SLC25A26: variants seen among roughly 807,000 people sequenced by gnomAD.
SLC25A26 encodes mitochondrial S-adenosylmethionine carrier protein.
Under a neutral mutation model 37.8 loss-of-function variants are expected in SLC25A26, and 36 were observed. The observed-to-expected ratio is 0.95, with a 90% CI of 0.73 to 1.26. The LOEUF is 1.26. Among genes scored for constraint, SLC25A26 ranks in the 50% most tolerant of loss-of-function variants. SLC25A26 has a pLI of 0.00. For synonymous variants in SLC25A26, 129 were observed against 122.5 expected (o/e 1.05, Z -0.35); for missense variants, 390 against 331.1 (o/e 1.18, Z -1.38).
At chr3:66,288,672 C>A (rs2074598622) in intron 5 of SLC25A26, among the ~76,000 whole-genome samples, 1 of 152,168 alleles carries the variant, frequency 6.6e-6, no homozygotes, top group Non-Finnish European at 1.5e-5. Flanking sequence ...ATTTTTATGG[C>A]TGCATAGTAT....
chr3:66,199,779 T>G (rs2071086691), intron 1 of SLC25A26, among the ~76,000 whole-genome samples: 3 of 152,040 alleles, frequency 2.0e-5, no homozygotes, highest in African/African-American at 7.2e-5. Context: ...TCCCTGACCC[T>G]CATCATGACC....
At chr3:66,165,816 TGGAGAGGTTAGACA>T (rs1479110218) in intron 1 of SLC25A26, among the ~76,000 whole-genome samples, 1 of 152,082 alleles carries the variant, frequency 6.6e-6, no homozygotes, top group Non-Finnish European at 1.5e-5. Context: ...CCATAGTGCC[TGGAGAGGTTAGACA>T]GGAGTCCAGG....
intron 3 of SLC25A26, among the ~76,000 whole-genome samples, chr3:66,250,283 C>T (rs781922130): frequency 2.6e-5 from 4 of 152,186 alleles, no homozygotes; most frequent in East Asian, 1.9e-4. Flanking sequence ...GTTCCTAATA[C>T]GTTCCAGGCA....
intron 5 of SLC25A26, among the ~76,000 whole-genome samples, chr3:66,292,708 C>T (rs1230656815): frequency 6.6e-6 from 1 of 152,210 alleles, no homozygotes; most frequent in Non-Finnish European, 1.5e-5. Context: ...CGACCTTTCT[C>T]TCTGGCTGCC....
rs185450783 is a variant in SLC25A26, at chr3:66,160,021, T to A, written c.-354+26037T>A. Among the ~76,000 whole-genome samples, 3 of 152,260 alleles carry A rather than the reference T, an allele frequency of 2.0e-5. No homozygotes were observed. In the East Asian group the frequency reaches 5.8e-4, roughly 29 times the overall value. ...AATAATGAATCTTTTTTTTTCTTTT[T>A]TGGGACAGTCTTGCTCTGTCACCCA... On this transcript the variant is annotated intron_variant, in intron 1 of 10. Transcript: ENST00000676754.
rs1215554038 is a variant in SLC25A26 at position 66,306,716 on chromosome 3, C to T, written c.454-39648C>T. Among the ~76,000 whole-genome samples, 9 of 152,158 alleles carry T rather than the reference C, an allele frequency of 5.9e-5. No homozygotes were observed. In the South Asian group the frequency reaches 1.4e-3, roughly 25 times the overall value. ...GTTCCCCTCCCTGGGTCCATGTGTT[C>T]TCATTGTTCACCTCCCACTTATGAG... On this transcript the variant is annotated intron_variant, in intron 5 of 9. Coordinates refer to ENST00000354883, the MANE Select transcript of SLC25A26 (RefSeq NM_001379210.1).
At position 66,262,156 on chromosome 3, in the gene SLC25A26, G is replaced by A; in HGVS notation, c.405+1G>A. 1.4e-6 allele frequency: 2 copies of A among 1,463,172 alleles called. No individual in the cohort carries two copies. The highest frequency in any genetic ancestry group is 1.3e-5 in the South Asian group (1 of 78,248). The allele number at this position is 1,463,172 out of a possible 1,614,324, so 90.6% of individuals were successfully genotyped here. A position where few individuals can be genotyped will look rare whatever the true frequency, so the allele number is the denominator to read the frequency against. ...TTTCTCTAACATCTTATATGAAGAG[G>A]TGAGATGGGTTTTTTAAGCTCTTCT... On this transcript the variant is annotated splice_donor_variant, in intron 4 of 9. Transcript: ENST00000354883. LOFTEE classifies it high-confidence loss of function.
At chr3:66,340,460 C>T (rs1042540881) in intron 5 of SLC25A26, among the ~76,000 whole-genome samples, 1 of 151,856 alleles carries the variant, frequency 6.6e-6, no homozygotes, top group Admixed American at 6.6e-5. Flanking sequence ...GTGGTTATTG[C>T]GTCTTGTGGT....
intron 1 of SLC25A26, among the ~76,000 whole-genome samples, chr3:66,135,289 C>T (rs2069930114): frequency 6.6e-6 from 1 of 152,168 alleles, no homozygotes; most frequent in Admixed American, 6.5e-5. Context: ...TTTCAATTTA[C>T]TCCTAATCTT....
chr3:66,262,610 G>C (rs2073573276), intron 4 of SLC25A26, among the ~76,000 whole-genome samples: 1 of 152,188 alleles, frequency 6.6e-6, no homozygotes, highest in Non-Finnish European at 1.5e-5. Flanking sequence ...CTGACCATGT[G>C]ACTAGAGAGC....
In SLC25A26 at chr3:66,377,673, C is replaced by A; in HGVS notation, c.708-17C>A. Reference sequence around the variant, plus strand: ...TTAAAATACGCACAACATTAAAAATCCTGTTTTTTCCCCTAGATTATTTGC... The same window carrying A: ...TTAAAATACGCACAACATTAAAAATACTGTTTTTTCCCCTAGATTATTTGC... On this transcript the variant is annotated splice_polypyrimidine_tract_variant and intron_variant, in intron 9 of 9. Coordinates refer to ENST00000354883, the MANE Select transcript of SLC25A26 (RefSeq NM_001379210.1). 1.3e-6 allele frequency: 2 copies of A among 1,592,284 alleles called. No individual in the cohort carries two copies. Among genetic ancestry groups the A allele is most frequent in the Non-Finnish European group, 1.7e-6 (2 of 1,160,644 alleles).
At chr3:66,171,793 A>G (rs2070503242) in intron 1 of SLC25A26, among the ~76,000 whole-genome samples, 6 of 152,092 alleles carry the variant, frequency 3.9e-5, no homozygotes, top group Admixed American at 3.9e-4. Context: ...CCCGGCCCTG[A>G]GATGTTCATT....
At position 66,243,215 on chromosome 3, in the gene SLC25A26, T is replaced by A; in HGVS notation, c.203T>A (p.Phe68Tyr). 1.3e-6 allele frequency: 2 copies of A among 1,590,274 alleles called. No homozygotes were observed. The highest frequency in any genetic ancestry group is 1.7e-6 in the Non-Finnish European group (2 of 1,163,546). The part of the protein sequence containing the change: ...IGSFPNAAAF[F>Y]ITYEYVKWFL... ...TTTTAAATTTCAGCTGCTGCATTTT[T>A]TATCACCTATGAATATGTGAAGTGG... Residue 68 changes from phenylalanine (F) to tyrosine (Y), a missense_variant, in exon 3 of 10, where the codon TTT (phenylalanine) becomes TAT (tyrosine). Physicochemically the swap from Phe to Tyr is conservative, Grantham distance 22. Transcript: ENST00000354883.
intron 9 of SLC25A26, among the ~76,000 whole-genome samples, chr3:66,374,457 A>G (rs914127474): frequency 6.6e-6 from 1 of 152,216 alleles, no homozygotes; most frequent in Non-Finnish European, 1.5e-5. Flanking sequence ...TGTGTCTCCA[A>G]CCAGCCATTC....
chr3:66,236,696 TA>T lies in SLC25A26; in HGVS notation c.188del (p.Asn63MetfsTer12). ...CTTCTGCTGCTATTGGATCCTTTCC[TA>T]ATGGTAAAAAATTATATTCTCACTT... ...VPSAAIGSFP[N>X]AAAFFITYEY... On this transcript the variant is annotated frameshift_variant, in exon 2 of 10. Transcript: ENST00000354883. LOFTEE classifies it high-confidence loss of function. 2 of 1,509,044 alleles carry T rather than the reference TA, an allele frequency of 1.3e-6. No individual in the cohort carries two copies. 93.5% of individuals were successfully genotyped at this position (1,509,044 alleles called of 1,614,324 possible).
intron 5 of SLC25A26, among the ~76,000 whole-genome samples, chr3:66,313,502 A>T (rs776045893): frequency 3.9e-5 from 6 of 152,152 alleles, no homozygotes; most frequent in Non-Finnish European, 5.9e-5. Flanking sequence ...TAGCAGTACC[A>T]TGCTGTTTGG....
intron 1 of SLC25A26, among the ~76,000 whole-genome samples, chr3:66,176,473 G>T (rs567880966): frequency 6.6e-6 from 1 of 151,976 alleles, no homozygotes; most frequent in Non-Finnish European, 1.5e-5. Flanking sequence ...TGTATGCCTC[G>T]CAGCCTAGTA....
At chr3:66,251,190 A>G (rs370327244) in intron 3 of SLC25A26, among the ~76,000 whole-genome samples, 1 of 152,106 alleles carries the variant, frequency 6.6e-6, no homozygotes, top group Non-Finnish European at 1.5e-5. Context: ...CTTGCCTGCT[A>G]TAGTAAGGAG....
chr3:66,244,695 G>T (rs958995431), intron 3 of SLC25A26, among the ~76,000 whole-genome samples: 2 of 152,056 alleles, frequency 1.3e-5, no homozygotes. Context: ...ACTCTTGGCC[G>T]GGCACGGTGG....
Sources: gnomAD v4.1 joint callset for allele counts (sites outside exome capture counted in the v4.1 genomes callset) on GRCh38, gnomAD v4.1.1 for gene constraint, MANE v1.5 for transcripts, NCBI Gene and HGNC (gene_info 2026-07-23, HGNC 2026-07-21) for gene names.